ARHGAP28: variants seen among roughly 807,000 people sequenced by gnomAD.
The protein encoded by ARHGAP28 is Rho GTPase activating protein 28.
In ARHGAP28, 56 loss-of-function variants were observed where a neutral mutation model predicts 90.7. That is an observed-to-expected ratio of 0.62 (90% CI 0.50 to 0.77). The LOEUF (loss-of-function observed/expected upper bound fraction) is 0.77. ARHGAP28 is among the 30% of genes least tolerant of loss of function. The pLI is 0.00. For synonymous variants in ARHGAP28, 308 were observed against 323.3 expected (o/e 0.95, Z 0.51); for missense variants, 869 against 900.9 (o/e 0.96, Z 0.45).
chr18:6,764,673 T>A (rs1302783349), intron 1 of ARHGAP28, among the ~76,000 whole-genome samples: 1 of 152,156 alleles, frequency 6.6e-6, no homozygotes, highest in East Asian at 1.9e-4. Flanking sequence ...CCAAGAGAGA[T>A]TCCATTTTTA....
intron 1 of ARHGAP28, among the ~76,000 whole-genome samples, chr18:6,758,329 GTGCT>G (rs2056129598): frequency 6.6e-6 from 1 of 152,070 alleles, no homozygotes; most frequent in South Asian, 2.1e-4. Flanking sequence ...CTGGAGTCTG[GTGCT>G]TGCTTGTCTT....
intron 11 of ARHGAP28, among the ~76,000 whole-genome samples, chr18:6,886,606 G>A (rs686814): frequency 0.82 from 124,575 of 152,186 alleles, 51,206 homozygotes; most frequent in Non-Finnish European, 0.86. Context: ...CACTCTACAT[G>A]TATTAACTCA....
At chr18:6,757,326 G>A (rs2143301141) in intron 1 of ARHGAP28, among the ~76,000 whole-genome samples, 1 of 152,296 alleles carries the variant, frequency 6.6e-6, no homozygotes, top group East Asian at 1.9e-4. Flanking sequence ...GCAGGGCAGT[G>A]TTTAGAGAAA....
At chr18:6,825,173 G>C (rs1477593012) in intron 2 of ARHGAP28, among the ~76,000 whole-genome samples, 4 of 152,122 alleles carry the variant, frequency 2.6e-5, no homozygotes, top group Non-Finnish European at 5.9e-5. Context: ...GACCCAAGGA[G>C]GGCTGGACCT....
chr18:6,842,463 G>A (rs1460720202), intron 3 of ARHGAP28, among the ~76,000 whole-genome samples: 1 of 152,118 alleles, frequency 6.6e-6, no homozygotes, highest in Non-Finnish European at 1.5e-5. Flanking sequence ...ATCTGTTGTT[G>A]TTTCTTGACT....
chr18:6,868,229 T>G lies in ARHGAP28; in HGVS notation c.806T>G (p.Ile269Arg). The change falls in exon 6 of 18, where the codon ATA (isoleucine) becomes AGA (arginine). Residue 269 changes from isoleucine to arginine, a missense_variant. Physicochemically the swap from Ile to Arg is moderately conservative, Grantham distance 97 (BLOSUM62 -3). Transcript: ENST00000383472. Reference protein sequence around the residue: ...PEPGQPVQNAISDDDFLEKNI... With the variant: ...PEPGQPVQNARSDDDFLEKNI... ...CCTGGACAGCCAGTTCAGAATGCGA[T>G]AAGTGGTGAGCGGCATGCCTCCTGT... 1.2e-6 allele frequency: 2 copies of G among 1,614,058 alleles called. No homozygotes were observed. Among genetic ancestry groups the G allele is most frequent in the Non-Finnish European group, 1.7e-6 (2 of 1,179,886 alleles).
chr18:6,915,429 C>T lies in ARHGAP28; in HGVS notation c.*3275C>T, dbSNP rs1322739030. The T allele has an allele frequency of 2.0e-5, 3 of 152,082 alleles. 1 individual carries two copies. Among genetic ancestry groups the T allele is most frequent in the Admixed American group, 1.3e-4 (2 of 15,260 alleles). 9.4% of individuals were successfully genotyped at this position (152,082 alleles called of 1,614,324 possible). A position where few individuals can be genotyped will look rare whatever the true frequency, so the allele number is the denominator to read the frequency against. On this transcript the variant is annotated 3_prime_UTR_variant, in exon 18 of 18. Coordinates refer to ENST00000383472, the MANE Select transcript of ARHGAP28 (RefSeq NM_001366230.1). The stretch of plus-strand genomic sequence containing the variant: ...TGACAGGCAGTTTTTAACTGTTTTC[C>T]ACAAATAAAAATAATATGTCATGGG...
intron 1 of ARHGAP28, among the ~76,000 whole-genome samples, chr18:6,817,604 C>T (rs1472285964): frequency 6.6e-6 from 1 of 152,190 alleles, no homozygotes; most frequent in East Asian, 1.9e-4. Context: ...TCTGGAAGTC[C>T]AGAGATAGGC....
chr18:6,773,631 T>C (rs150289447), intron 1 of ARHGAP28, among the ~76,000 whole-genome samples: 1 of 152,180 alleles, frequency 6.6e-6, no homozygotes, highest in South Asian at 2.1e-4. Context: ...TTGCGTGGTT[T>C]CTCTCTGCAT....
intron 1 of ARHGAP28, among the ~76,000 whole-genome samples, chr18:6,804,647 T>A (rs976144313): frequency 6.6e-6 from 1 of 152,262 alleles, no homozygotes; most frequent in African/African-American, 2.4e-5. Context: ...GTTTCATTTT[T>A]ATTTCTCTTT....
intron 1 of ARHGAP28, among the ~76,000 whole-genome samples, chr18:6,773,350 CT>C (rs967610493): frequency 2.0e-5 from 3 of 152,068 alleles, no homozygotes; most frequent in Admixed American, 1.3e-4. Context: ...AAATTAGCTC[CT>C]TTTACTAATG....
At chr18:6,816,110 G>T (rs1372430929) in intron 1 of ARHGAP28, among the ~76,000 whole-genome samples, 2 of 152,164 alleles carry the variant, frequency 1.3e-5, no homozygotes, top group African/African-American at 2.4e-5. Context: ...GATGAGGCCA[G>T]CCAGGCAAGT....
intron 14 of ARHGAP28, among the ~76,000 whole-genome samples, chr18:6,892,656 T>G (rs1454967377): frequency 6.6e-6 from 1 of 152,242 alleles, no homozygotes. Context: ...TTGCTTCTGC[T>G]CTTGTACCTA....
rs1299303877 is a variant in ARHGAP28, at chr18:6,914,061, A to C, written c.*1907A>C. 1 of 152,222 alleles carries C rather than the reference A, an allele frequency of 6.6e-6. No individual in the cohort carries two copies. Among genetic ancestry groups the C allele is most frequent in the Non-Finnish European group, 1.5e-5 (1 of 68,030 alleles). 9.4% of individuals were successfully genotyped at this position (152,222 alleles called of 1,614,324 possible). ...GATATTTCTCAGTGTATTTCCTTGC[A>C]TTTGAATGGTTCAATTCTGTTGTGT... On this transcript the variant is annotated 3_prime_UTR_variant, in exon 18 of 18. Transcript: ENST00000383472.
At chr18:6,833,118 C>T (rs1179426585) in intron 2 of ARHGAP28, among the ~76,000 whole-genome samples, 1 of 151,884 alleles carries the variant, frequency 6.6e-6, no homozygotes, top group Non-Finnish European at 1.5e-5. Context: ...TAATTCCAAA[C>T]ATATAGGGAA....
intron 3 of ARHGAP28, among the ~76,000 whole-genome samples, chr18:6,846,532 A>AT (rs1158451069): frequency 8.0e-5 from 12 of 150,696 alleles, no homozygotes; most frequent in East Asian, 7.9e-4. Context: ...TTTTGTCTCT[A>AT]TTTTTTTTTC....
chr18:6,736,389 T>C (rs2055927587), intron 1 of ARHGAP28, among the ~76,000 whole-genome samples: 1 of 152,104 alleles, frequency 6.6e-6, no homozygotes, highest in African/African-American at 2.4e-5. Flanking sequence ...AAGATAGATT[T>C]TCTAATTTTT....
At chr18:6,841,352 T>G (rs1353642502) in intron 3 of ARHGAP28, among the ~76,000 whole-genome samples, 1 of 151,658 alleles carries the variant, frequency 6.6e-6, no homozygotes, top group Non-Finnish European at 1.5e-5. Flanking sequence ...ATTTTCCATT[T>G]CACTTTCTTA....
At chr18:6,840,249 A>G (rs928284663) in intron 3 of ARHGAP28, among the ~76,000 whole-genome samples, 5 of 152,196 alleles carry the variant, frequency 3.3e-5, no homozygotes, top group African/African-American at 1.2e-4. Flanking sequence ...AGAGGGTCCT[A>G]AAATCTTTGC....
Sources: gnomAD v4.1 joint callset for allele counts (sites outside exome capture counted in the v4.1 genomes callset) on GRCh38, gnomAD v4.1.1 for gene constraint, MANE v1.5 for transcripts, NCBI Gene and HGNC (gene_info 2026-07-23, HGNC 2026-07-21) for gene names.